SRGAP2B: variants seen among roughly 807,000 people sequenced by gnomAD.
SRGAP2B encodes SLIT-ROBO Rho GTPase-activating protein 2B.
In SRGAP2B, 9 loss-of-function variants were observed where a neutral mutation model predicts 22.2. That is an observed-to-expected ratio of 0.41 (90% confidence interval 0.24 to 0.71). SRGAP2B has a LOEUF of 0.71. SRGAP2B is among the 30% of genes least tolerant of loss of function. SRGAP2B has a pLI of 0.35. For missense variants in SRGAP2B, 114 were observed against 235.8 expected, an observed-to-expected ratio of 0.48 and a Z score of 3.38; for synonymous variants, 36 against 87.4, an observed-to-expected ratio of 0.41 and a Z score of 3.28.
intron 3 of SRGAP2B, among the ~76,000 whole-genome samples, chr1:144,985,596 G>A (rs587704447): frequency 6.6e-6 from 1 of 150,776 alleles, no homozygotes; most frequent in Non-Finnish European, 1.5e-5. Flanking sequence ...ACAATCAAAG[G>A]CTCAGCAACG....
At chr1:144,964,719 C>A (rs1434291453) in intron 3 of SRGAP2B, among the ~76,000 whole-genome samples, 1 of 150,948 alleles carries the variant, frequency 6.6e-6, no homozygotes, top group East Asian at 1.9e-4. Context: ...GGGCAAGTCA[C>A]AAATGCATTC....
At chr1:144,943,413 T>G (rs1666219430) in intron 4 of SRGAP2B, among the ~76,000 whole-genome samples, 1 of 151,826 alleles carries the variant, frequency 6.6e-6, no homozygotes, top group Non-Finnish European at 1.5e-5. Flanking sequence ...CAAAATAGTA[T>G]GTACAATAAA....
intron 4 of SRGAP2B, among the ~76,000 whole-genome samples, chr1:144,951,127 C>T (rs1233045109): frequency 4.6e-5 from 7 of 150,958 alleles, no homozygotes; most frequent in East Asian, 1.9e-4. Flanking sequence ...CGATTACAGG[C>T]GTGAGCCACC....
chr1:144,970,813 A>G (rs1668455427), intron 3 of SRGAP2B, among the ~76,000 whole-genome samples: 1 of 150,218 alleles, frequency 6.7e-6, no homozygotes, highest in Non-Finnish European at 1.5e-5. Flanking sequence ...AAATAAATAA[A>G]TAAATGGGAT....
chr1:144,974,971 A>G (rs1299034682), intron 3 of SRGAP2B, among the ~76,000 whole-genome samples: 1 of 149,016 alleles, frequency 6.7e-6, no homozygotes, highest in Non-Finnish European at 1.5e-5. Flanking sequence ...CAGGCTTAGG[A>G]GAAACTGGCA....
intron 2 of SRGAP2B, among the ~76,000 whole-genome samples, chr1:145,041,093 A>G (rs1407764469): frequency 3.3e-5 from 4 of 122,308 alleles, no homozygotes; most frequent in African/African-American, 1.3e-4. Context: ...ATATATATAT[A>G]TATATATATA....
Position 145,068,932 on chromosome 1 carries a change from T to A in SRGAP2B, c.67+23903A>T, listed in dbSNP as rs1423475030. ...GTGTGTGTGTGTGTGTGTGTGTGTG[T>A]GTGTGTGTGTGTGTGTATGTGTATA... On this transcript the variant is annotated intron_variant, in intron 2 of 9. Coordinates refer to ENST00000612199, the Ensembl canonical transcript of SRGAP2B. Among the ~76,000 whole-genome samples the A allele has an allele frequency of 5.4e-5, 8 of 148,700 alleles. No homozygotes were observed. The South Asian group carries it at 1.3e-3, about 24-fold the overall frequency.
At chr1:145,006,915 T>C (rs1185057150) in intron 2 of SRGAP2B, among the ~76,000 whole-genome samples, 1 of 150,848 alleles carries the variant, frequency 6.6e-6, no homozygotes, top group Non-Finnish European at 1.5e-5. Flanking sequence ...TAGACCGCAT[T>C]CAGAAAAACT....
intron 3 of SRGAP2B, among the ~76,000 whole-genome samples, chr1:144,994,563 TGTGTGAGA>T (rs1670515883): frequency 2.8e-5 from 1 of 35,228 alleles, no homozygotes; most frequent in Non-Finnish European, 5.9e-5. Context: ...TGTGTGTGTG[TGTGTGAGA>T]GAGAGAGAGA....
At chr1:144,905,489 C>A (rs1395743296) in intron 6 of SRGAP2B, among the ~76,000 whole-genome samples, 1 of 149,552 alleles carries the variant, frequency 6.7e-6, no homozygotes, top group Non-Finnish European at 1.5e-5. Flanking sequence ...CAATGCCACT[C>A]TGAAGGAGGT....
chr1:144,952,812 A>C (rs1160290687), intron 4 of SRGAP2B, among the ~76,000 whole-genome samples: 6 of 150,602 alleles, frequency 4.0e-5, no homozygotes, highest in Non-Finnish European at 7.4e-5. Context: ...GCTAACTTTT[A>C]AAATTTTTTT....
chr1:144,915,722 G>C (rs1362638054), intron 4 of SRGAP2B, among the ~76,000 whole-genome samples: 2 of 150,684 alleles, frequency 1.3e-5, no homozygotes, highest in Non-Finnish European at 2.9e-5. Flanking sequence ...GTGAGACTCT[G>C]TCTCAAAAAA....
intron 2 of SRGAP2B, among the ~76,000 whole-genome samples, chr1:145,061,713 G>A (rs1190268409): frequency 1.1e-4 from 16 of 149,038 alleles, no homozygotes; most frequent in Admixed American, 4.0e-4. Context: ...TCAGCCTCCC[G>A]AGTAGCTGGG....
In SRGAP2B at chr1:144,953,904, T is replaced by C. The variant is rs587605825; in HGVS notation, c.423+1535A>G. On this transcript the variant is annotated intron_variant, in intron 4 of 9. Transcript: ENST00000612199. The stretch of plus-strand genomic sequence containing the variant: ...CAGTCAAGCCCTTTCCTTCTTGAGA[T>C]AGTCTAAGTGGCTGTCAAGGTCATA... 9.9e-3 allele frequency among the ~76,000 whole-genome samples: 1,480 copies of C among 149,090 alleles called. 63 individuals carry two copies. The highest frequency in any genetic ancestry group is 0.086 in the Admixed American group (1,286 of 14,924).
chr1:145,010,780 C>A (rs1260411223), intron 2 of SRGAP2B, among the ~76,000 whole-genome samples: 1 of 149,400 alleles, frequency 6.7e-6, no homozygotes, highest in Non-Finnish European at 1.5e-5. Flanking sequence ...AGAGCCTTCC[C>A]CTCCTACCTG....
chr1:145,045,132 A>C (rs1212536878), intron 2 of SRGAP2B, among the ~76,000 whole-genome samples: 6 of 131,788 alleles, frequency 4.6e-5, no homozygotes, highest in Middle Eastern at 3.5e-3. Flanking sequence ...AATACAAAAA[A>C]AATTAGCCGG....
At chr1:144,947,527 C>T (rs1666554477) in intron 4 of SRGAP2B, among the ~76,000 whole-genome samples, 1 of 150,576 alleles carries the variant, frequency 6.6e-6, no homozygotes, top group African/African-American at 2.5e-5. Flanking sequence ...TTAACATCTC[C>T]AAGACCCTGG....
At chr1:144,966,874 A>T (rs1668125645) in intron 3 of SRGAP2B, among the ~76,000 whole-genome samples, 1 of 148,600 alleles carries the variant, frequency 6.7e-6, no homozygotes, top group South Asian at 2.1e-4. Flanking sequence ...TAAACCCACA[A>T]AGATCAAAAG....
intron 3 of SRGAP2B, among the ~76,000 whole-genome samples, chr1:144,984,708 G>T (rs1288108997): frequency 3.3e-5 from 5 of 149,486 alleles, no homozygotes; most frequent in African/African-American, 1.3e-4. Context: ...ATGATCTACT[G>T]CAGCAACTGG....
Sources: gnomAD v4.1 joint callset for allele counts (sites outside exome capture counted in the v4.1 genomes callset) on GRCh38, gnomAD v4.1.1 for gene constraint, MANE v1.5 for transcripts, NCBI Gene and HGNC (gene_info 2026-07-23, HGNC 2026-07-21) for gene names.